ZNF804B: variants seen among roughly 807,000 people sequenced by gnomAD.
ZNF804B encodes the protein zinc finger protein 804B.
Under a neutral mutation model 101.4 loss-of-function variants are expected in ZNF804B, and 80 were observed. The observed-to-expected ratio is 0.79, with a 90% CI of 0.66 to 0.95. ZNF804B has a LOEUF of 0.95. ZNF804B is among the 40% of genes least tolerant of loss of function. ZNF804B has a pLI of 0.00. For missense variants in ZNF804B, 1,673 were observed against 1,561.9 expected (o/e 1.07, Z -1.20); for synonymous variants, 622 against 558.8 (o/e 1.11, Z -1.59).
At chr7:88,991,166 C>G (rs1379451556) in intron 1 of ZNF804B, among the ~76,000 whole-genome samples, 1 of 152,156 alleles carries the variant, frequency 6.6e-6, no homozygotes, top group African/African-American at 2.4e-5. Context: ...CTATTTAACA[C>G]TGATTTGATT....
chr7:89,265,975 A>C (rs1370653606), intron 2 of ZNF804B, among the ~76,000 whole-genome samples: 4 of 152,244 alleles, frequency 2.6e-5, no homozygotes, highest in Non-Finnish European at 4.4e-5. Context: ...CAGCTAATTG[A>C]AGAAGTGATA....
At chr7:88,814,616 A>G (rs567727661) in intron 1 of ZNF804B, among the ~76,000 whole-genome samples, 77 of 152,246 alleles carry the variant, frequency 5.1e-4, no homozygotes, top group African/African-American at 1.7e-3. Context: ...TTGGGGTTTA[A>G]ATTTGGCCTC....
chr7:88,863,915 G>T (rs1345013021), intron 1 of ZNF804B, among the ~76,000 whole-genome samples: 1 of 152,198 alleles, frequency 6.6e-6, no homozygotes, highest in Non-Finnish European at 1.5e-5. Flanking sequence ...GCAAGTGTCT[G>T]TAGGGTGGGG....
intron 1 of ZNF804B, among the ~76,000 whole-genome samples, chr7:88,951,419 C>G (rs1435364909): frequency 6.6e-6 from 1 of 151,704 alleles, no homozygotes; most frequent in African/African-American, 2.4e-5. Flanking sequence ...TACATTTCTT[C>G]TTCAAAGGAA....
Position 89,334,965 on chromosome 7 carries a change from T to C in ZNF804B, c.1983T>C (p.Cys661=), listed in dbSNP as rs1379078967. 6.2e-7 allele frequency: 1 copy of C among 1,613,926 alleles called. No homozygotes were observed. The highest frequency in any genetic ancestry group is 8.5e-7 in the Non-Finnish European group (1 of 1,179,908). ...AATTCAACTGCAAGTCCAGTCCTTGTACAGTAGGGGGTCACAGTGACCATG... is the reference window on the plus strand; with the variant it reads ...AATTCAACTGCAAGTCCAGTCCTTGCACAGTAGGGGGTCACAGTGACCATG... The part of the protein sequence containing the change: ...ERQFNCKSSP[C]TVGGHSDHGK... Residue 661 remains cysteine, a synonymous_variant, in exon 4 of 4, where the codon TGT becomes TGC. Coordinates refer to ENST00000333190, the MANE Select transcript of ZNF804B (RefSeq NM_181646.5).
intron 1 of ZNF804B, among the ~76,000 whole-genome samples, chr7:89,083,732 A>G (rs1789731758): frequency 1.3e-5 from 2 of 151,208 alleles, no homozygotes; most frequent in South Asian, 4.2e-4. Context: ...AACTTTGAAG[A>G]TTTTTTTTTC....
intron 2 of ZNF804B, among the ~76,000 whole-genome samples, chr7:89,299,908 A>G (rs1245172806): frequency 6.6e-6 from 1 of 151,972 alleles, no homozygotes; most frequent in Non-Finnish European, 1.5e-5. Flanking sequence ...TACTGAAATA[A>G]ATGATTTGTC....
Position 89,334,441 on chromosome 7 carries a change from A to G in ZNF804B, c.1459A>G (p.Asn487Asp). The G allele has an allele frequency of 6.2e-7, 1 of 1,613,682 alleles. No individual in the cohort carries two copies. Among genetic ancestry groups the G allele is most frequent in the Non-Finnish European group, 8.5e-7 (1 of 1,179,796 alleles). ...PLYFDFKLSR[N>D]TKEDHNLEDL... is the part of the protein sequence containing the mutation. ...GTATTTTGATTTTAAGCTTTCTCGGAACACAAAGGAAGACCACAATCTAGA... is the reference window on the plus strand; with the variant it reads ...GTATTTTGATTTTAAGCTTTCTCGGGACACAAAGGAAGACCACAATCTAGA... The change falls in exon 4 of 4, where the codon AAC becomes GAC. Residue 487 changes from asparagine (N) to aspartate (D), a missense_variant. By Grantham distance (23) the Asn-to-Asp change is conservative. Transcript: ENST00000333190.
intron 1 of ZNF804B, among the ~76,000 whole-genome samples, chr7:88,795,893 A>G (rs1300139224): frequency 1.3e-5 from 2 of 152,158 alleles, no homozygotes; most frequent in Non-Finnish European, 2.9e-5. Flanking sequence ...TGAATGGTTT[A>G]TTTTTAGTCA....
rs140818621 is a variant in ZNF804B, at chr7:89,215,153, A to T, written c.109-3002A>T. On this transcript the variant is annotated intron_variant, in intron 1 of 3. Coordinates refer to ENST00000333190, the MANE Select transcript of ZNF804B (RefSeq NM_181646.5). The stretch of plus-strand genomic sequence containing the variant: ...CATTAGCACCTTAGAGGTAAGAAAG[A>T]TAAGAATATCTGCATAATTTCCTGG... 8.5e-4 allele frequency among the ~76,000 whole-genome samples: 130 copies of T among 152,342 alleles called. 2 individuals are homozygous for T. Among genetic ancestry groups the T allele is most frequent in the Admixed American group, 4.9e-3 (75 of 15,306 alleles).
chr7:89,088,483 G>A (rs558246965), intron 1 of ZNF804B, among the ~76,000 whole-genome samples: 4 of 151,534 alleles, frequency 2.6e-5, no homozygotes, highest in African/African-American at 9.7e-5. Context: ...TTCAAAAAGA[G>A]CAAAGCAATG....
At chr7:89,050,688 GA>G (rs900125202) in intron 1 of ZNF804B, among the ~76,000 whole-genome samples, 1 of 152,020 alleles carries the variant, frequency 6.6e-6, no homozygotes, top group African/African-American at 2.4e-5. Flanking sequence ...GACCTTCCAA[GA>G]AAATAGGAAA....
At chr7:88,940,624 C>T (rs1289325076) in intron 1 of ZNF804B, among the ~76,000 whole-genome samples, 1 of 151,564 alleles carries the variant, frequency 6.6e-6, no homozygotes, top group African/African-American at 2.4e-5. Flanking sequence ...AAAAGATTAG[C>T]TGGGCATGGT....
intron 1 of ZNF804B, among the ~76,000 whole-genome samples, chr7:88,994,527 C>A (rs1026035337): frequency 6.6e-6 from 1 of 152,196 alleles, no homozygotes; most frequent in East Asian, 1.9e-4. Flanking sequence ...AACTTTTTCA[C>A]TGTAGCCTTT....
chr7:89,062,843 G>T (rs138459556), intron 1 of ZNF804B, among the ~76,000 whole-genome samples: 1,828 of 152,138 alleles, frequency 0.012, 25 homozygotes, highest in Middle Eastern at 0.051. Flanking sequence ...CCTACCTTCT[G>T]ATATTTTAAG....
chr7:89,224,443 T>C (rs1187917354), intron 2 of ZNF804B, among the ~76,000 whole-genome samples: 1 of 152,032 alleles, frequency 6.6e-6, no homozygotes, highest in East Asian at 1.9e-4. Flanking sequence ...TACCCCAAAA[T>C]TGCTAAAAGA....
chr7:89,089,106 A>G (rs1481479151), intron 1 of ZNF804B, among the ~76,000 whole-genome samples: 8 of 143,134 alleles, frequency 5.6e-5, no homozygotes, highest in Non-Finnish European at 3.0e-5. Context: ...AGTATAGCAT[A>G]CTAGCTTAAA....
At chr7:88,785,588 C>A (rs1022782721) in intron 1 of ZNF804B, among the ~76,000 whole-genome samples, 1 of 152,000 alleles carries the variant, frequency 6.6e-6, no homozygotes, top group East Asian at 1.9e-4. Flanking sequence ...GGTCATGATA[C>A]TTCTTTATTC....
At chr7:88,938,707 A>G (rs918257461) in intron 1 of ZNF804B, among the ~76,000 whole-genome samples, 1 of 152,030 alleles carries the variant, frequency 6.6e-6, no homozygotes, top group Non-Finnish European at 1.5e-5. Flanking sequence ...CATCAGCAAA[A>G]CAGGAGGAAA....
Sources: gnomAD v4.1 joint callset for allele counts (sites outside exome capture counted in the v4.1 genomes callset) on GRCh38, gnomAD v4.1.1 for gene constraint, MANE v1.5 for transcripts, NCBI Gene and HGNC (gene_info 2026-07-23, HGNC 2026-07-21) for gene names.